Variants in TBRG1 observed in about 807,000 individuals in gnomAD.
The protein encoded by TBRG1 is transforming growth factor beta regulator 1.
A neutral mutation model predicts 44.0 loss-of-function variants in TBRG1; 31 were observed. The observed-to-expected ratio is 0.70, with a 90% CI of 0.53 to 0.95. The LOEUF is 0.95. Among genes scored for constraint, TBRG1 ranks in the 40% least tolerant of loss-of-function variants. TBRG1 has a pLI of 0.00. For missense variants in TBRG1, 487 were observed against 496.1 expected (o/e 0.98, Z 0.18); for synonymous variants, 171 against 188.1 (o/e 0.91, Z 0.74).
chr11:124,623,113 G>A lies in TBRG1; in HGVS notation c.30G>A (p.Ser10=). The A allele has an allele frequency of 6.4e-7, 1 of 1,550,982 alleles. No homozygotes were observed. The highest frequency in any genetic ancestry group is 8.7e-7 in the Non-Finnish European group (1 of 1,146,894). ...GCCTGCTGGACGGCCTCGCTTCCTC[G>A]CCGCGGGCTCCGCTGCAGTCCAGCA... MSLLDGLAS[S]PRAPLQSSKA... Residue 10 remains serine, a synonymous_variant, in exon 1 of 9, where the codon TCG becomes TCA. Coordinates refer to ENST00000441174, the MANE Select transcript of TBRG1 (RefSeq NM_032811.3).
chr11:124,632,127 C>T lies in TBRG1; in HGVS notation c.1125C>T (p.Ala375=). ...SLDLPELQPA[A]FVSSYQPMYL... is the part of the protein sequence containing the mutation. ...ACCTCCCAGAGCTTCAGCCTGCAGCCTTTGTGTCTTCTTACCAGCCCATGT... is the reference window on the plus strand; with the variant it reads ...ACCTCCCAGAGCTTCAGCCTGCAGCTTTTGTGTCTTCTTACCAGCCCATGT... The change falls in exon 9 of 9, where the codon GCC becomes GCT. Residue 375 remains alanine (A), a synonymous_variant. Transcript: ENST00000441174. The T allele has an allele frequency of 1.2e-6, 2 of 1,613,692 alleles. No individual in the cohort carries two copies. Among genetic ancestry groups the T allele is most frequent in the South Asian group, 2.2e-5 (2 of 91,072 alleles).
chr11:124,625,534 G>A, intron 2 of TBRG1, 137 bp from the exon 3 acceptor site: 1 of 727,896 alleles, frequency 1.4e-6, no homozygotes, highest in African/African-American at 1.8e-5. Flanking sequence ...ATGATTCATA[G>A]GGCCTAATAA....
chr11:124,631,330 G>T lies in TBRG1; in HGVS notation c.1003G>T (p.Gly335Trp). 6.2e-7 allele frequency: 1 copy of T among 1,612,520 alleles called. No individual in the cohort carries two copies. Among genetic ancestry groups the T allele is most frequent in the Non-Finnish European group, 8.5e-7 (1 of 1,179,030 alleles). ...CKPGDGQLPEGLPENDAAMSF... is the reference protein window; with the variant it reads ...CKPGDGQLPEWLPENDAAMSF... ...ACCTGGAGATGGGCAGCTACCTGAG[G>T]GGCTGCCGGAGAATGATGCAGCTAT... The change falls in exon 8 of 9, where the codon GGG (glycine) becomes TGG (tryptophan). Residue 335 changes from glycine to tryptophan, a missense_variant. Physicochemically the swap from Gly to Trp is radical, Grantham distance 184. Coordinates refer to ENST00000441174, the MANE Select transcript of TBRG1 (RefSeq NM_032811.3).
At position 124,631,377 on chromosome 11, in the gene TBRG1, A is replaced by G; in HGVS notation, c.1050A>G (p.Arg350=). The part of the protein sequence containing the change: ...DAAMSFEAFQ[R]QIFDEDQNDP... Reference sequence around the variant, plus strand: ...CTATGAGCTTTGAAGCCTTTCAGAGACAGATCTTTGATGAAGATCAGAATG... The same window carrying G: ...CTATGAGCTTTGAAGCCTTTCAGAGGCAGATCTTTGATGAAGATCAGAATG... Residue 350 remains arginine (R), a synonymous_variant, in exon 8 of 9, where the codon AGA becomes AGG. Coordinates refer to ENST00000441174, the MANE Select transcript of TBRG1 (RefSeq NM_032811.3). 1 of 1,613,964 alleles carries G rather than the reference A, an allele frequency of 6.2e-7. No individual in the cohort carries two copies. The highest frequency in any genetic ancestry group is 8.5e-7 in the Non-Finnish European group (1 of 1,179,852).
intron 5 of TBRG1, among the ~76,000 whole-genome samples, chr11:124,627,440 C>A (rs1942498373): frequency 6.6e-6 from 1 of 152,172 alleles, no homozygotes; most frequent in Non-Finnish European, 1.5e-5. Flanking sequence ...TAGTTTCTGG[C>A]TGCAAATACT....
intron 5 of TBRG1, 125 bp from the exon 6 acceptor site, chr11:124,630,263 G>A: frequency 1.4e-6 from 1 of 737,332 alleles, no homozygotes. Context: ...GAAAGTATGT[G>A]TGTCCCTTCT....
chr11:124,625,951 TG>T, intron 3 of TBRG1, 48 bp downstream of exon 3: 1 of 1,503,016 alleles, frequency 6.7e-7, no homozygotes, highest in Non-Finnish European at 8.9e-7. Flanking sequence ...CACCTACTAA[TG>T]ACAGTTAGAC....
In TBRG1 at chr11:124,624,379, A is replaced by G. The variant is rs200733206; in HGVS notation, c.151-552A>G. On this transcript the variant is annotated intron_variant, in intron 1 of 8. Transcript: ENST00000441174. ...CATCATTTACAAAAAAAAAAAAAAA[A>G]AAAAGAAAAAAGATAATACTTGAAT... 1.5e-3 allele frequency among the ~76,000 whole-genome samples: 219 copies of G among 147,782 alleles called. 3 individuals are homozygous for G. Among genetic ancestry groups the G allele is most frequent in the East Asian group, 8.9e-3 (46 of 5,168 alleles).
chr11:124,624,681 C>A (rs1394207028), intron 1 of TBRG1, among the ~76,000 whole-genome samples: 1 of 152,184 alleles, frequency 6.6e-6, no homozygotes, highest in African/African-American at 2.4e-5. Context: ...CTGGCATAAG[C>A]ATTAATAGTA....
rs1942367350 is a variant in TBRG1 at position 124,622,869 on chromosome 11, C to G, written c.-215C>G. 1.8e-6 allele frequency: 1 copy of G among 552,012 alleles called. No individual in the cohort carries two copies. 34.2% of individuals were successfully genotyped at this position (552,012 alleles called of 1,614,324 possible). On this transcript the variant is annotated 5_prime_UTR_variant, in exon 1 of 9. Coordinates refer to ENST00000441174, the MANE Select transcript of TBRG1 (RefSeq NM_032811.3). ...GTAACTTCCGGGAAGGGCTTACTTCCAAGACAGACACGGAAGTGCTGGGAG... is the reference window on the plus strand; with the variant it reads ...GTAACTTCCGGGAAGGGCTTACTTCGAAGACAGACACGGAAGTGCTGGGAG...
In TBRG1 at chr11:124,625,073, T is replaced by C; in HGVS notation, c.221+72T>C. 2.8e-6 allele frequency: 3 copies of C among 1,084,574 alleles called. No homozygotes were observed. The South Asian group carries it at 4.3e-5, about 16-fold the overall frequency. 67.2% of individuals were successfully genotyped at this position (1,084,574 alleles called of 1,614,324 possible). A position where few individuals can be genotyped will look rare whatever the true frequency, so the allele number is the denominator to read the frequency against. The stretch of plus-strand genomic sequence containing the variant: ...ATTTGGTGATTGATAATGGTGTTAC[T>C]GCTCTGGAGACTTTTTTTCCCAGTG... On this transcript the variant is annotated intron_variant, in intron 2 of 8. Coordinates refer to ENST00000441174, the MANE Select transcript of TBRG1 (RefSeq NM_032811.3).
rs1001562395 is a variant in TBRG1, at chr11:124,635,856, G to A, written c.*3618G>A. The A allele has an allele frequency of 6.6e-6, 1 of 152,106 alleles. No individual in the cohort carries two copies. The allele number at this position is 152,106 out of a possible 1,614,324, so 9.4% of individuals were successfully genotyped here. On this transcript the variant is annotated 3_prime_UTR_variant, in exon 9 of 9. Transcript: ENST00000441174. Reference sequence around the variant, plus strand: ...ATAGGTAACATAATTTTCAGACAATGTTAGCTGTTTTTAATCCATCAGTAA... The same window carrying A: ...ATAGGTAACATAATTTTCAGACAATATTAGCTGTTTTTAATCCATCAGTAA...
chr11:124,630,692 C>A, intron 6 of TBRG1, 53 bp from the exon 7 acceptor site: 1 of 1,309,710 alleles, frequency 7.6e-7, no homozygotes. Context: ...TTCTTAAATC[C>A]ATCTTCATCT....
In TBRG1 at chr11:124,628,628, A is replaced by T. The variant is rs1026629769; in HGVS notation, c.738+1578A>T. Among the ~76,000 whole-genome samples, 6 of 152,166 alleles carry T rather than the reference A, an allele frequency of 3.9e-5. No individual in the cohort carries two copies. The East Asian group carries it at 9.7e-4, about 25-fold the overall frequency. On this transcript the variant is annotated intron_variant, in intron 5 of 8. Coordinates refer to ENST00000441174, the MANE Select transcript of TBRG1 (RefSeq NM_032811.3). ...GAAATGCAAATAAAACAAAACTGAG[A>T]TCTTATTTTGCTCATAGGCACATAT...
chr11:124,630,495 C>T lies in TBRG1; in HGVS notation c.836+10C>T. 6.3e-7 allele frequency: 1 copy of T among 1,593,510 alleles called. No individual in the cohort carries two copies. Among genetic ancestry groups the T allele is most frequent in the South Asian group, 1.1e-5 (1 of 90,684 alleles). On this transcript the variant is annotated intron_variant, in intron 6 of 8. Transcript: ENST00000441174. The stretch of plus-strand genomic sequence containing the variant: ...CTATAAGCACTACTATGTAAGTTGA[C>T]CAAAAGCTTGAAAACAGGCTAAAAG...
In TBRG1 at chr11:124,633,071, T is replaced by TA. The variant is rs1223019310; in HGVS notation, c.*834dup. The TA allele has an allele frequency of 6.6e-6, 1 of 152,220 alleles. No homozygotes were observed. The highest frequency in any genetic ancestry group is 1.5e-5 in the Non-Finnish European group (1 of 68,054). 9.4% of individuals were successfully genotyped at this position (152,220 alleles called of 1,614,324 possible). On this transcript the variant is annotated 3_prime_UTR_variant, in exon 9 of 9. Transcript: ENST00000441174. ...TCAAGATGGAAAGTCCAGTCCAAGG[T>TA]ACACTGTTCATCTTTTTCTTCACAT...
chr11:124,624,691 AC>A (rs1047252330), intron 1 of TBRG1, among the ~76,000 whole-genome samples: 2 of 152,162 alleles, frequency 1.3e-5, no homozygotes, highest in Admixed American at 1.3e-4. Context: ...CATTAATAGT[AC>A]CCCCTTTTCA....
intron 5 of TBRG1, 44 bp from the exon 6 acceptor site, chr11:124,630,340 CTCCT>C (rs775569583): frequency 8.2e-7 from 1 of 1,226,960 alleles, no homozygotes. Context: ...ATGCCCCTCT[CTCCT>C]TCCTTCTTGA....
chr11:124,630,276 A>C, intron 5 of TBRG1, 112 bp from the exon 6 acceptor site: 1 of 776,874 alleles, frequency 1.3e-6, no homozygotes, highest in South Asian at 1.4e-5. Context: ...TCCCTTCTGA[A>C]GATGGTATAC....
Sources: gnomAD v4.1 joint callset for allele counts (sites outside exome capture counted in the v4.1 genomes callset) on GRCh38, gnomAD v4.1.1 for gene constraint, MANE v1.5 for transcripts, NCBI Gene and HGNC (gene_info 2026-07-23, HGNC 2026-07-21) for gene names.